Variants in CSMD2 observed in about 807,000 individuals in gnomAD.
CSMD2 encodes the protein CUB and sushi domain-containing protein 2.
Under a neutral mutation model 398.5 loss-of-function variants are expected in CSMD2, and 130 were observed. The ratio of observed to expected loss-of-function variants is 0.33; its 90% CI spans 0.28 to 0.38. The LOEUF (loss-of-function observed/expected upper bound fraction) is 0.38. Ranked by LOEUF, CSMD2 falls within the 10% of genes least tolerant of loss-of-function variation. CSMD2 has a pLI of 1.00. For synonymous variants in CSMD2, 1,828 were observed against 1,908.5 expected (o/e 0.96, Z 1.10); for missense variants, 3,829 against 4,764.9 (o/e 0.80, Z 5.78).
At chr1:33,592,511 C>G (rs1006698272) in intron 44 of CSMD2, 6 of 717,132 alleles carry the variant, frequency 8.4e-6, no homozygotes, top group Non-Finnish European at 1.6e-5. Context: ...TTAAAGAGAA[C>G]ATTATGAGTG....
At chr1:33,575,707 G>T (rs1660011526) in intron 49 of CSMD2, among the ~76,000 whole-genome samples, 2 of 152,174 alleles carry the variant, frequency 1.3e-5, no homozygotes, top group Non-Finnish European at 2.9e-5. Flanking sequence ...ACTTGTCCTT[G>T]TTAATGCAGT....
At chr1:33,830,254 C>T (rs1323120043) in intron 6 of CSMD2, among the ~76,000 whole-genome samples, 3 of 152,216 alleles carry the variant, frequency 2.0e-5, no homozygotes. Context: ...AACTGGGAGG[C>T]ACCCCCCAGT....
chr1:33,706,891 G>T (rs753752405), intron 22 of CSMD2, among the ~76,000 whole-genome samples: 2 of 151,796 alleles, frequency 1.3e-5, no homozygotes, highest in South Asian at 4.2e-4. Flanking sequence ...TTGTGTATGC[G>T]TGTGTGTGTG....
intron 9 of CSMD2, 69 bp from the exon 10 acceptor site, chr1:33,810,933 C>T: frequency 1.3e-6 from 2 of 1,559,254 alleles, no homozygotes; most frequent in South Asian, 1.1e-5. Context: ...GCCTCCCACT[C>T]CCCACCCAGA....
intron 12 of CSMD2, among the ~76,000 whole-genome samples, chr1:33,773,643 G>A (rs970434466): frequency 5.3e-5 from 8 of 152,188 alleles, no homozygotes; most frequent in Non-Finnish European, 1.0e-4. Context: ...AGAGATGGAC[G>A]AGGAGGAGGG....
chr1:34,165,694 G>T, upstream of CSMD2: 1 of 1,564,398 alleles, frequency 6.4e-7, no homozygotes, highest in Non-Finnish European at 8.8e-7. Context: ...TTGGAATCCT[G>T]TCTGGGAAAA....
At chr1:33,567,970 A>G in intron 52 of CSMD2, 129 bp from the exon 53 acceptor site, 3 of 1,116,024 alleles carry the variant, frequency 2.7e-6, no homozygotes, top group Non-Finnish European at 3.8e-6. Flanking sequence ...AGTGTTGAGG[A>G]CTTGGCACCC....
chr1:33,533,807 G>T lies in CSMD2; in HGVS notation c.9980C>A (p.Pro3327His), dbSNP rs1207026565. The change falls in exon 63 of 71, where the codon CCT (proline) becomes CAT (histidine). Residue 3327 changes from proline (P) to histidine (H), a missense_variant. Pro to His is a moderately conservative substitution (Grantham distance 77). Coordinates refer to ENST00000373381, the MANE Select transcript of CSMD2 (RefSeq NM_001281956.2). This position sits in a 1 kb window ranked among gnomAD's most constrained non-coding sequence, Gnocchi z 4.2. ...LPNLTWSGTP[P>H]DCVPHHCRQP... ...AAGTCTGCACTCACGGACACAGTCA[G>T]GTGGGGTTCCACTCCAGGTCAGGTT... 6.2e-7 allele frequency: 1 copy of T among 1,611,260 alleles called. No individual in the cohort carries two copies. Among genetic ancestry groups the T allele is most frequent in the Non-Finnish European group, 8.5e-7 (1 of 1,177,408 alleles).
intron 10 of CSMD2, among the ~76,000 whole-genome samples, chr1:33,806,768 TTAAAA>T (rs1243656720): frequency 5.3e-5 from 8 of 152,112 alleles, no homozygotes; most frequent in African/African-American, 1.9e-4. Flanking sequence ...ACATTTGAAA[TTAAAA>T]TAAATCTTCA....
intron 10 of CSMD2, among the ~76,000 whole-genome samples, chr1:33,799,280 T>C (rs190998745): frequency 8.2e-4 from 125 of 152,306 alleles, no homozygotes; most frequent in African/African-American, 3.0e-3. Flanking sequence ...ATATTTATGG[T>C]CTAGCTCTTT....
chr1:33,913,104 A>G (rs1482492094), intron 5 of CSMD2, among the ~76,000 whole-genome samples: 2 of 152,180 alleles, frequency 1.3e-5, no homozygotes, highest in Non-Finnish European at 2.9e-5. Context: ...GAGTCACTGC[A>G]TCCGGCCCTC....
chr1:33,740,469 T>C (rs1647022153), intron 14 of CSMD2, among the ~76,000 whole-genome samples: 1 of 152,194 alleles, frequency 6.6e-6, no homozygotes, highest in Non-Finnish European at 1.5e-5. Flanking sequence ...GAAACAGCAG[T>C]GGCCCTAGGG....
intron 3 of CSMD2, among the ~76,000 whole-genome samples, chr1:33,985,821 C>T (rs970660663): frequency 1.4e-4 from 22 of 152,058 alleles, no homozygotes; most frequent in African/African-American, 3.6e-4. Flanking sequence ...GTCTATAGAG[C>T]GGAGGCCTGG....
intron 29 of CSMD2, among the ~76,000 whole-genome samples, chr1:33,642,896 G>T (rs1342609218): frequency 6.6e-6 from 1 of 152,160 alleles, no homozygotes; most frequent in African/African-American, 2.4e-5. Flanking sequence ...TGTGGAGAAA[G>T]GCTCCTGGTC....
chr1:33,623,615 T>A, intron 35 of CSMD2, 149 bp from the exon 36 acceptor site: 1 of 619,804 alleles, frequency 1.6e-6, no homozygotes, highest in Non-Finnish European at 2.9e-6. Flanking sequence ...TCAATAAAAG[T>A]AAGATGCAGA....
intron 39 of CSMD2, among the ~76,000 whole-genome samples, chr1:33,616,245 G>GT (rs747455900): frequency 0.012 from 1,690 of 146,834 alleles, 14 homozygotes; most frequent in Middle Eastern, 0.018. Flanking sequence ...CTTGTCTTTC[G>GT]TTTTTTTTTT....
chr1:33,569,593 G>A (rs751462526), intron 51 of CSMD2, 46 bp from the exon 52 acceptor site: 1 of 1,583,624 alleles, frequency 6.3e-7, no homozygotes, highest in South Asian at 1.1e-5. Flanking sequence ...CAAGAGGAGG[G>A]ACATGGCTGC....
intron 2 of CSMD2, among the ~76,000 whole-genome samples, chr1:34,082,642 T>C (rs956245875): frequency 6.6e-6 from 1 of 152,050 alleles, no homozygotes; most frequent in Non-Finnish European, 1.5e-5. Flanking sequence ...AAGGGGGAAA[T>C]GTGGGGAAAA....
At chr1:33,746,546 G>A (rs1023771434) in intron 13 of CSMD2, among the ~76,000 whole-genome samples, 1 of 152,056 alleles carries the variant, frequency 6.6e-6, no homozygotes, top group Admixed American at 6.5e-5. Context: ...AAAGCTCCAG[G>A]GGCACCATTT....
Sources: allele counts gnomAD v4.1 joint callset (sites outside exome capture counted in the v4.1 genomes callset), GRCh38; gene constraint gnomAD v4.1.1; non-coding constraint Gnocchi (gnomAD v3.1); transcripts MANE v1.5; gene names NCBI Gene and HGNC (gene_info 2026-07-23, HGNC 2026-07-21).